The following ENTPD5 variants were observed in gnomAD, a reference collection of about 807,000 sequenced individuals.
The protein encoded by ENTPD5 is nucleoside diphosphate phosphatase ENTPD5.
Under a neutral mutation model 60.2 loss-of-function variants are expected in ENTPD5, and 49 were observed. The ratio of observed to expected loss-of-function variants is 0.81; its 90% CI spans 0.65 to 1.03. The LOEUF (loss-of-function observed/expected upper bound fraction) is 1.03. ENTPD5 is among the 50% of genes least tolerant of loss of function. The pLI, the probability that ENTPD5 is intolerant of heterozygous loss-of-function variation, is 0.00. For missense variants in ENTPD5, 480 were observed against 507.6 expected (o/e 0.95, Z 0.52); for synonymous variants, 187 against 185.4 (o/e 1.01, Z -0.07).
chr14:74,007,845 T>G (rs2058728762), intron 3 of ENTPD5: 1 of 148,558 alleles, frequency 6.7e-6, no homozygotes, highest in Non-Finnish European at 1.5e-5. Context: ...TTTTTTTTTT[T>G]TTTGAGATGG....
downstream of ENTPD5, among the ~76,000 whole-genome samples, chr14:73,957,134 G>A (rs60611458): frequency 0.021 from 3,146 of 149,446 alleles, 108 homozygotes; most frequent in African/African-American, 0.074. Flanking sequence ...GTCTCGCTCT[G>A]TCGCCCAGGC....
chr14:73,974,844 G>T, intron 11 of ENTPD5, 80 bp downstream of exon 11: 2 of 1,106,976 alleles, frequency 1.8e-6, no homozygotes, highest in Non-Finnish European at 1.4e-6. Context: ...TCATAGAATG[G>T]CTATCAAGGA....
At chr14:73,976,931 A>G (rs1289165269) in intron 8 of ENTPD5, 93 bp downstream of exon 8, 1 of 1,152,732 alleles carries the variant, frequency 8.7e-7, no homozygotes, top group South Asian at 1.3e-5. Context: ...AAAGAAGAAG[A>G]AACAATACAG....
rs567008295 is a variant in ENTPD5 at position 73,977,150 on chromosome 14, C to G, written c.518-91G>C. The G allele has an allele frequency of 1.1e-5, 14 of 1,330,742 alleles. No homozygotes were observed. The African/African-American group carries it at 1.9e-4, about 18-fold the overall frequency. 82.4% of individuals were successfully genotyped at this position (1,330,742 alleles called of 1,614,324 possible). A position where few individuals can be genotyped will look rare whatever the true frequency, so the allele number is the denominator to read the frequency against. ...GTTTTTTTTTTTTCCTCTCTAAATT[C>G]CATGTCTAGAGCACATGTTCCCTTC... On this transcript the variant is annotated intron_variant, in intron 7 of 15. Transcript: ENST00000334696.
At chr14:73,956,448 A>C (rs1277698293), downstream of ENTPD5, 1 of 162,872 alleles carries the variant, frequency 6.1e-6, no homozygotes, top group Non-Finnish European at 1.4e-5. Flanking sequence ...AACTTTTCTG[A>C]AGAGGCTATA....
At position 74,018,179 on chromosome 14, in the gene ENTPD5, GA is replaced by G. The variant is rs35872561; in HGVS notation, c.-238+1070del. Among the ~76,000 whole-genome samples the G allele has an allele frequency of 2.9e-3, 355 of 122,646 alleles. 1 individual carries two copies. Among genetic ancestry groups the G allele is most frequent in the African/African-American group, 6.7e-3 (217 of 32,222 alleles). 80.5% of individuals were successfully genotyped at this position (122,646 alleles called of 152,430 possible). A position where few individuals can be genotyped will look rare whatever the true frequency, so the allele number is the denominator to read the frequency against. ...CTGGGTGACAGAAGACTCTCTCTCAGAAAAAAAAAAAAAAAAGTTTACAAGG... is the reference window on the plus strand; with the variant it reads ...CTGGGTGACAGAAGACTCTCTCTCAGAAAAAAAAAAAAAAAGTTTACAAGG... On this transcript the variant is annotated intron_variant, in intron 1 of 15. Coordinates refer to ENST00000334696, the MANE Select transcript of ENTPD5 (RefSeq NM_001249.5).
intron 3 of ENTPD5, among the ~76,000 whole-genome samples, chr14:74,002,912 C>T (rs1037682990): frequency 2.6e-5 from 4 of 152,168 alleles, no homozygotes; most frequent in African/African-American, 9.7e-5. Flanking sequence ...ATAGTTTTCA[C>T]CTTACTCTCC....
intron 5 of ENTPD5, among the ~76,000 whole-genome samples, chr14:73,984,350 C>T (rs1344955185): frequency 1.3e-5 from 2 of 152,138 alleles, no homozygotes; most frequent in Non-Finnish European, 2.9e-5. Context: ...ATGGTAGATA[C>T]GCTGCCTACC....
At chr14:73,957,079 C>T (rs11850995), downstream of ENTPD5, among the ~76,000 whole-genome samples, 2,711 of 150,164 alleles carry the variant, frequency 0.018, 79 homozygotes, top group African/African-American at 0.062. Context: ...ACTTCTACAG[C>T]GAGCTTATTA....
At chr14:74,003,893 T>C (rs1159318342) in intron 3 of ENTPD5, among the ~76,000 whole-genome samples, 1 of 151,754 alleles carries the variant, frequency 6.6e-6, no homozygotes. Context: ...GCCCAGGAGT[T>C]TGAGACCAGC....
chr14:73,977,464 A>C, intron 6 of ENTPD5, 90 bp from the exon 7 acceptor site: 1 of 959,600 alleles, frequency 1.0e-6, no homozygotes, highest in Non-Finnish European at 1.5e-6. Context: ...AGACTTAGAA[A>C]ACTACTCCAT....
intron 6 of ENTPD5, among the ~76,000 whole-genome samples, chr14:73,980,298 T>A (rs1260100278): frequency 6.8e-6 from 1 of 147,696 alleles, no homozygotes; most frequent in East Asian, 2.0e-4. Flanking sequence ...AGAGTCTCGC[T>A]CTGTTGCCCA....
chr14:74,005,680 G>A lies in ENTPD5; in HGVS notation c.-71+5411C>T, dbSNP rs540016638. 3.3e-5 allele frequency among the ~76,000 whole-genome samples: 5 copies of A among 152,064 alleles called. 1 individual carries two copies. Among genetic ancestry groups the A allele is most frequent in the African/African-American group, 9.6e-5 (4 of 41,484 alleles). On this transcript the variant is annotated intron_variant, in intron 3 of 15. Coordinates refer to ENST00000334696, the MANE Select transcript of ENTPD5 (RefSeq NM_001249.5). ...AAAATTAGCTGGGTGTGTGGTGCAC[G>A]CCTGTAATCCCAGCTACTTGGGAGG... is the stretch of plus-strand genomic sequence containing the variant.
At chr14:73,968,083 C>T (rs2057062628) in intron 15 of ENTPD5, among the ~76,000 whole-genome samples, 1 of 151,904 alleles carries the variant, frequency 6.6e-6, no homozygotes, top group Non-Finnish European at 1.5e-5. Context: ...GAGATTGCAC[C>T]ATTGCACTCC....
At chr14:73,982,486 G>A (rs755369053) in intron 6 of ENTPD5, among the ~76,000 whole-genome samples, 3 of 152,162 alleles carry the variant, frequency 2.0e-5, no homozygotes, top group Non-Finnish European at 4.4e-5. Context: ...GCCAGGTGCA[G>A]CAGCTCATGC....
chr14:74,006,473 C>T (rs1391171857), intron 3 of ENTPD5, among the ~76,000 whole-genome samples: 4 of 151,544 alleles, frequency 2.6e-5, no homozygotes, highest in Non-Finnish European at 5.9e-5. Flanking sequence ...TTAGCAGAGA[C>T]GGGGTTTCAC....
downstream of ENTPD5, chr14:73,958,617 T>C: frequency 7.8e-7 from 1 of 1,288,726 alleles, no homozygotes; most frequent in South Asian, 1.6e-5. Context: ...GCTCACAAGC[T>C]TCCCTTTTTG....
At chr14:73,997,102 G>T (rs1405506604) in intron 3 of ENTPD5, among the ~76,000 whole-genome samples, 1 of 152,134 alleles carries the variant, frequency 6.6e-6, no homozygotes, top group East Asian at 1.9e-4. Context: ...GGACTGGGAA[G>T]CTTCTTGAGG....
In ENTPD5 at chr14:73,966,867, T is replaced by C. The variant is rs1594832292; in HGVS notation, c.*61A>G. The C allele has an allele frequency of 3.2e-6, 4 of 1,265,066 alleles. No individual in the cohort carries two copies. The highest frequency in any genetic ancestry group is 2.3e-5 in the East Asian group (1 of 43,224). 78.4% of individuals were successfully genotyped at this position (1,265,066 alleles called of 1,614,324 possible). A position where few individuals can be genotyped will look rare whatever the true frequency, so the allele number is the denominator to read the frequency against. ...TCCCCAGACTAGTTCAGAAACTAAG[T>C]GCTCTCTCCTCCCCTTAAAAAGGTG... On this transcript the variant is annotated 3_prime_UTR_variant, in exon 16 of 16. Coordinates refer to ENST00000334696, the MANE Select transcript of ENTPD5 (RefSeq NM_001249.5).
Sources: gnomAD v4.1 joint callset for allele counts (sites outside exome capture counted in the v4.1 genomes callset) on GRCh38, gnomAD v4.1.1 for gene constraint, MANE v1.5 for transcripts, NCBI Gene and HGNC (gene_info 2026-07-23, HGNC 2026-07-21) for gene names.